Variants in DLC1 observed in about 807,000 individuals in gnomAD.
DLC1 encodes the protein rho GTPase-activating protein 7.
In DLC1, 54 loss-of-function variants were observed where a neutral mutation model predicts 140.3. The ratio of observed to expected loss-of-function variants is 0.38; its 90% CI spans 0.31 to 0.48. DLC1 has a LOEUF of 0.48. DLC1 is among the 20% of genes least tolerant of loss of function. The pLI, the probability that DLC1 is intolerant of heterozygous loss-of-function variation, is 0.96. For missense variants in DLC1, 2,536 were observed against 1,907.0 expected, an observed-to-expected ratio of 1.33 and a Z score of -6.14; for synonymous variants, 986 against 728.1, an observed-to-expected ratio of 1.35 and a Z score of -5.70.
At chr8:13,241,567 C>G (rs1407692064) in intron 5 of DLC1, among the ~76,000 whole-genome samples, 1 of 152,132 alleles carries the variant, frequency 6.6e-6, no homozygotes, top group Non-Finnish European at 1.5e-5. Flanking sequence ...CTGAATGTAG[C>G]GGAGGAAATG....
chr8:13,126,581 G>A (rs1011703691), intron 5 of DLC1, among the ~76,000 whole-genome samples: 2 of 152,110 alleles, frequency 1.3e-5, no homozygotes, highest in Non-Finnish European at 1.5e-5. Flanking sequence ...TTATTTTTCT[G>A]AGTCTCATTT....
At chr8:13,195,997 T>C (rs1392360827) in intron 5 of DLC1, among the ~76,000 whole-genome samples, 1 of 152,030 alleles carries the variant, frequency 6.6e-6, no homozygotes, top group Non-Finnish European at 1.5e-5. Flanking sequence ...AATGTAAGAA[T>C]GAAGGATCAT....
intron 4 of DLC1, among the ~76,000 whole-genome samples, chr8:13,367,204 G>C (rs1430174932): frequency 6.6e-6 from 1 of 152,114 alleles, no homozygotes; most frequent in Non-Finnish European, 1.5e-5. Context: ...GTCATACCTT[G>C]GGTCTTGCAA....
chr8:13,549,751 T>TA (rs1226251442), intron 1 of DLC1, among the ~76,000 whole-genome samples: 1 of 152,068 alleles, frequency 6.6e-6, no homozygotes, highest in Non-Finnish European at 1.5e-5. Context: ...CTGAGGGTGT[T>TA]ACTGCCAAAA....
At chr8:13,520,487 G>A (rs1802730316) in intron 1 of DLC1, among the ~76,000 whole-genome samples, 1 of 152,118 alleles carries the variant, frequency 6.6e-6, no homozygotes, top group Admixed American at 6.5e-5. Context: ...TTGGGGGCTA[G>A]GGGAGGGATA....
intron 2 of DLC1, among the ~76,000 whole-genome samples, chr8:13,442,669 C>G (rs1375645322): frequency 2.6e-5 from 4 of 152,278 alleles, no homozygotes; most frequent in East Asian, 1.9e-4. Context: ...CATCTCACAC[C>G]AGTTAAAATG....
intron 1 of DLC1, among the ~76,000 whole-genome samples, chr8:13,541,737 G>T (rs1466523101): frequency 6.6e-6 from 1 of 152,146 alleles, no homozygotes; most frequent in African/African-American, 2.4e-5. Context: ...TTTTAGTAGA[G>T]ATGGGGTTTC....
intron 4 of DLC1, among the ~76,000 whole-genome samples, chr8:13,387,805 A>T (rs1836587462): frequency 6.6e-6 from 1 of 152,102 alleles, no homozygotes; most frequent in African/African-American, 2.4e-5. Flanking sequence ...TTAGGAAATA[A>T]ACCCAAATGT....
At chr8:13,201,846 A>G (rs1827396770) in intron 5 of DLC1, among the ~76,000 whole-genome samples, 1 of 150,492 alleles carries the variant, frequency 6.6e-6, no homozygotes, top group South Asian at 2.1e-4. Context: ...GGTTTGTTAT[A>G]TAGGTAAACT....
chr8:13,137,047 T>C (rs1822615603), intron 5 of DLC1, among the ~76,000 whole-genome samples: 1 of 152,196 alleles, frequency 6.6e-6, no homozygotes, highest in Non-Finnish European at 1.5e-5. Flanking sequence ...TGAAATCCTA[T>C]TTAAATCATC....
intron 1 of DLC1, among the ~76,000 whole-genome samples, chr8:13,576,768 A>G (rs897997562): frequency 6.6e-6 from 1 of 152,138 alleles, no homozygotes; most frequent in African/African-American, 2.4e-5. Context: ...GTGCTGCTGG[A>G]GAAAGTTGGA....
At chr8:13,535,251 G>T (rs1455150058) in intron 1 of DLC1, among the ~76,000 whole-genome samples, 1 of 151,726 alleles carries the variant, frequency 6.6e-6, no homozygotes, top group Non-Finnish European at 1.5e-5. Context: ...GTGGGTGCGA[G>T]TGTGTGTGCT....
At chr8:13,464,410 T>C (rs1238900388) in intron 2 of DLC1, among the ~76,000 whole-genome samples, 16 of 152,328 alleles carry the variant, frequency 1.1e-4, no homozygotes, top group Non-Finnish European at 2.4e-4. Context: ...AAAATAACAA[T>C]TTAAAGAACA....
In DLC1 at chr8:13,408,548, A is replaced by G. The variant is rs2117285559; in HGVS notation, c.1024-6929T>C. Among the ~76,000 whole-genome samples, 4 of 152,312 alleles carry G rather than the reference A, an allele frequency of 2.6e-5. No individual in the cohort carries two copies. In the South Asian group the frequency reaches 8.3e-4, roughly 32 times the overall value. On this transcript the variant is annotated intron_variant, in intron 2 of 17. Coordinates refer to ENST00000276297, the MANE Select transcript of DLC1 (RefSeq NM_182643.3). ...GATATTGATACAGCTCGTCCTGAGA[A>G]GTGTTCAGAAGTGCAGGTGTGAACC...
intron 2 of DLC1, among the ~76,000 whole-genome samples, chr8:13,446,912 A>C (rs988782302): frequency 6.6e-6 from 1 of 151,888 alleles, no homozygotes; most frequent in African/African-American, 2.4e-5. Flanking sequence ...ATTGTACTTC[A>C]GCCTGGGTAA....
chr8:13,560,174 C>T (rs1804190109), intron 1 of DLC1, among the ~76,000 whole-genome samples: 1 of 152,116 alleles, frequency 6.6e-6, no homozygotes, highest in Non-Finnish European at 1.5e-5. Context: ...ATAGAACCTA[C>T]ATTTGTTTTG....
At chr8:13,309,132 T>G (rs1267056480) in intron 4 of DLC1, among the ~76,000 whole-genome samples, 1 of 152,244 alleles carries the variant, frequency 6.6e-6, no homozygotes, top group African/African-American at 2.4e-5. Context: ...AGTTGCCATA[T>G]GTTTCATTTG....
intron 1 of DLC1, among the ~76,000 whole-genome samples, chr8:13,532,827 C>T (rs551486658): frequency 3.0e-4 from 45 of 152,226 alleles, no homozygotes; most frequent in African/African-American, 1.1e-3. Context: ...CCCTGTAGAC[C>T]CTCATCCCCC....
chr8:13,401,234 G>A (rs1563316887), intron 3 of DLC1, among the ~76,000 whole-genome samples: 1 of 152,144 alleles, frequency 6.6e-6, no homozygotes, highest in Non-Finnish European at 1.5e-5. Flanking sequence ...TTTCCTTCCT[G>A]TTTAATGATA....
Sources: gnomAD v4.1 joint callset for allele counts (sites outside exome capture counted in the v4.1 genomes callset) on GRCh38, gnomAD v4.1.1 for gene constraint, MANE v1.5 for transcripts, NCBI Gene and HGNC (gene_info 2026-07-23, HGNC 2026-07-21) for gene names.